The following TEAD1 variants were observed in gnomAD, a reference collection of about 807,000 sequenced individuals.
TEAD1 encodes the protein TEA domain transcription factor 1, also known as transcriptional enhancer factor TEF-1.
Under a neutral mutation model 54.9 loss-of-function variants are expected in TEAD1, and 9 were observed. That is an observed-to-expected ratio of 0.16 (90% CI 0.10 to 0.29). The LOEUF is 0.29. TEAD1 is among the 10% of genes least tolerant of loss of function. The pLI is 1.00. For synonymous variants in TEAD1, 200 were observed against 187.8 expected (o/e 1.07, Z -0.53); for missense variants, 387 against 535.9 (o/e 0.72, Z 2.74).
At chr11:12,704,677 G>C (rs1294934015) in intron 2 of TEAD1, among the ~76,000 whole-genome samples, 1 of 152,180 alleles carries the variant, frequency 6.6e-6, no homozygotes, top group Non-Finnish European at 1.5e-5. Context: ...GTCTCTCTCT[G>C]AGCCTCTTGA....
At chr11:12,730,467 AGTTTGGTGAGAGAACCG>A (rs1944400576) in intron 2 of TEAD1, among the ~76,000 whole-genome samples, 1 of 116,256 alleles carries the variant, frequency 8.6e-6, no homozygotes, top group Admixed American at 1.2e-4. Flanking sequence ...ATTTGGCTCC[AGTTTGGTGAGAGAACCG>A]AGAGAGGTAG....
chr11:12,837,596 T>C (rs1321995831), intron 3 of TEAD1, among the ~76,000 whole-genome samples: 1 of 152,134 alleles, frequency 6.6e-6, no homozygotes, highest in Non-Finnish European at 1.5e-5. Context: ...GATGGCCGTC[T>C]TCTCATTGTG....
At chr11:12,727,576 G>A (rs1457113224) in intron 2 of TEAD1, among the ~76,000 whole-genome samples, 2 of 152,138 alleles carry the variant, frequency 1.3e-5, no homozygotes, top group Admixed American at 1.3e-4. Context: ...GGTTCTCTTT[G>A]TAATAAAAAT....
chr11:12,824,983 A>G (rs962114919), intron 3 of TEAD1, among the ~76,000 whole-genome samples: 2 of 152,122 alleles, frequency 1.3e-5, no homozygotes, highest in African/African-American at 2.4e-5. Context: ...CTATTAGATG[A>G]CATTTTTGAT....
chr11:12,898,151 A>G (rs1431313285), intron 9 of TEAD1, among the ~76,000 whole-genome samples: 1 of 152,148 alleles, frequency 6.6e-6, no homozygotes, highest in Non-Finnish European at 1.5e-5. Context: ...TCCTTCCTTC[A>G]GGCACAGGTG....
At chr11:12,924,575 G>A (rs1948874597) in intron 10 of TEAD1, among the ~76,000 whole-genome samples, 1 of 152,110 alleles carries the variant, frequency 6.6e-6, no homozygotes, top group South Asian at 2.1e-4. Flanking sequence ...CTAAAGATGA[G>A]TGAACATGAA....
intron 2 of TEAD1, among the ~76,000 whole-genome samples, chr11:12,682,403 G>C (rs1943241646): frequency 6.6e-6 from 1 of 152,200 alleles, no homozygotes; most frequent in South Asian, 2.1e-4. Context: ...GTAGAGGTGT[G>C]TGTCACGGTT....
chr11:12,900,477 A>G (rs1205834333), intron 9 of TEAD1, among the ~76,000 whole-genome samples: 2 of 152,224 alleles, frequency 1.3e-5, no homozygotes, highest in African/African-American at 4.8e-5. Context: ...AGGATCCCTG[A>G]TGAAGTCTGT....
At chr11:12,786,180 A>G (rs1016086336) in intron 3 of TEAD1, among the ~76,000 whole-genome samples, 2 of 152,182 alleles carry the variant, frequency 1.3e-5, no homozygotes, top group African/African-American at 4.8e-5. Flanking sequence ...ACCAAGCCAA[A>G]TGGGGATTTA....
chr11:12,708,475 A>G (rs945772067), intron 2 of TEAD1, among the ~76,000 whole-genome samples: 1 of 152,146 alleles, frequency 6.6e-6, no homozygotes, highest in East Asian at 1.9e-4. Context: ...AACAGCCTTA[A>G]TTGGGATGGG....
intron 5 of TEAD1, among the ~76,000 whole-genome samples, chr11:12,870,342 A>G (rs978918870): frequency 2.0e-5 from 3 of 152,154 alleles, no homozygotes; most frequent in African/African-American, 4.8e-5. Flanking sequence ...GGTTCAGGAC[A>G]TATAGGGGAT....
intron 3 of TEAD1, among the ~76,000 whole-genome samples, chr11:12,852,306 G>A (rs999324239): frequency 6.6e-6 from 1 of 152,132 alleles, no homozygotes; most frequent in Non-Finnish European, 1.5e-5. Flanking sequence ...AACATAACTA[G>A]ATGTGGAGGT....
At chr11:12,804,680 G>C (rs1180012588) in intron 3 of TEAD1, among the ~76,000 whole-genome samples, 1 of 152,186 alleles carries the variant, frequency 6.6e-6, no homozygotes, top group Non-Finnish European at 1.5e-5. Context: ...TGCATACCAT[G>C]TTAGAACACA....
chr11:12,878,803 A>G, intron 5 of TEAD1: 1 of 766,862 alleles, frequency 1.3e-6, no homozygotes, highest in Non-Finnish European at 1.8e-6. Flanking sequence ...ATATACACAT[A>G]TATATATGTT....
intron 2 of TEAD1, among the ~76,000 whole-genome samples, chr11:12,721,045 A>G (rs943370503): frequency 5.3e-5 from 8 of 151,986 alleles, no homozygotes; most frequent in Admixed American, 1.3e-4. Context: ...TTTATTTTTC[A>G]TGTTTGACTA....
intron 9 of TEAD1, among the ~76,000 whole-genome samples, chr11:12,887,576 T>G (rs1329869248): frequency 6.6e-6 from 1 of 152,200 alleles, no homozygotes; most frequent in Non-Finnish European, 1.5e-5. Flanking sequence ...ACTGTGTGCT[T>G]TATTGGACAA....
intron 3 of TEAD1, among the ~76,000 whole-genome samples, chr11:12,810,754 A>G (rs1408449470): frequency 1.3e-5 from 2 of 152,168 alleles, no homozygotes; most frequent in Admixed American, 1.3e-4. Flanking sequence ...TTCTGTGGCC[A>G]TAGAGGTCTT....
intron 5 of TEAD1, among the ~76,000 whole-genome samples, chr11:12,870,476 G>GA (rs1167123548): frequency 5.4e-4 from 75 of 138,638 alleles, no homozygotes; most frequent in South Asian, 3.7e-3. Context: ...ATGGAAAAAA[G>GA]AAAAAAAAAA....
chr11:12,677,419 C>G (rs566024259), intron 2 of TEAD1, among the ~76,000 whole-genome samples: 114 of 152,230 alleles, frequency 7.5e-4, no homozygotes, highest in African/African-American at 2.5e-3. Context: ...TCTCTCCCCC[C>G]ACTTACTTTA....
Sources: allele counts gnomAD v4.1 joint callset (sites outside exome capture counted in the v4.1 genomes callset), GRCh38; gene constraint gnomAD v4.1.1; transcripts MANE v1.5; gene names NCBI Gene and HGNC (gene_info 2026-07-23, HGNC 2026-07-21).